Variants in TGFBR3 observed in about 807,000 individuals in gnomAD.
TGFBR3 encodes the protein transforming growth factor beta receptor 3, also known as transforming growth factor beta receptor type 3.
A neutral mutation model predicts 87.9 loss-of-function variants in TGFBR3; 46 were observed. That is an observed-to-expected ratio of 0.52 (90% CI 0.41 to 0.67). The LOEUF is 0.67. Ranked by LOEUF, TGFBR3 falls within the 30% of genes least tolerant of loss-of-function variation. The probability of loss-of-function intolerance (pLI) is 0.00; values close to 1 mark genes in which losing one functional copy is unlikely to be tolerated. For missense variants in TGFBR3, 866 were observed against 1,041.9 expected, an observed-to-expected ratio of 0.83 and a Z score of 2.32; for synonymous variants, 381 against 391.6, an observed-to-expected ratio of 0.97 and a Z score of 0.32.
At chr1:91,828,817 G>T (rs1405136936) in intron 2 of TGFBR3, among the ~76,000 whole-genome samples, 1 of 152,070 alleles carries the variant, frequency 6.6e-6, no homozygotes, top group Non-Finnish European at 1.5e-5. Flanking sequence ...CCCACTGCAG[G>T]TCCCTCTCTC....
intron 14 of TGFBR3, among the ~76,000 whole-genome samples, chr1:91,708,032 C>T (rs759223024): frequency 6.6e-6 from 1 of 152,216 alleles, no homozygotes; most frequent in African/African-American, 2.4e-5. Flanking sequence ...GGTACTGATG[C>T]CACACCCCTT....
chr1:91,722,206 A>G (rs1672394587), intron 7 of TGFBR3, 62 bp from the exon 8 acceptor site: 2 of 1,292,010 alleles, frequency 1.5e-6, no homozygotes, highest in Non-Finnish European at 2.2e-6. Flanking sequence ...TAGATAATAA[A>G]AATTAAATAT....
At chr1:91,725,641 T>G (rs759540101) in intron 7 of TGFBR3, among the ~76,000 whole-genome samples, 3 of 152,130 alleles carry the variant, frequency 2.0e-5, no homozygotes, top group Non-Finnish European at 4.4e-5. Flanking sequence ...ACAAATGAAC[T>G]CAGCTAATGA....
chr1:91,797,548 C>A (rs148930851), intron 2 of TGFBR3, 77 bp from the exon 3 acceptor site: 2 of 1,524,320 alleles, frequency 1.3e-6, no homozygotes, highest in Non-Finnish European at 1.8e-6. Flanking sequence ...GGTGATCAAA[C>A]CACTGCCAAC....
intron 3 of TGFBR3, among the ~76,000 whole-genome samples, chr1:91,768,812 C>T (rs1674274968): frequency 6.7e-6 from 1 of 150,352 alleles, no homozygotes; most frequent in African/African-American, 2.4e-5. Context: ...TTATAAATTA[C>T]CCAGTCTCGG....
At chr1:91,688,034 T>C (rs1399745710) in intron 16 of TGFBR3, among the ~76,000 whole-genome samples, 1 of 152,294 alleles carries the variant, frequency 6.6e-6, no homozygotes, top group South Asian at 2.1e-4. Context: ...TTTAGAGAAG[T>C]CTTCAATCAC....
chr1:91,854,137 A>C (rs1384436529), intron 2 of TGFBR3, among the ~76,000 whole-genome samples: 1 of 152,170 alleles, frequency 6.6e-6, no homozygotes, highest in Non-Finnish European at 1.5e-5. Flanking sequence ...AGACAGGAGG[A>C]ATAAGTTCAA....
chr1:91,695,612 G>T (rs1160280129), intron 16 of TGFBR3, 60 bp downstream of exon 16: 3 of 1,263,208 alleles, frequency 2.4e-6, no homozygotes, highest in Non-Finnish European at 3.5e-6. Flanking sequence ...AACACTGAGT[G>T]TCTATTGTGT....
In TGFBR3 at chr1:91,717,888, T is replaced by A. The variant is rs544134119; in HGVS notation, c.1567-1180A>T. 2.0e-3 allele frequency among the ~76,000 whole-genome samples: 298 copies of A among 149,066 alleles called. 1 individual carries two copies. Among genetic ancestry groups the A allele is most frequent in the African/African-American group, 7.1e-3 (285 of 40,270 alleles). ...GAAGCAACTGACTTTTTTTTTTTTT[T>A]ATTTTTTCTTAACAGACATATTACT... On this transcript the variant is annotated intron_variant, in intron 10 of 16. Transcript: ENST00000212355.
intron 3 of TGFBR3, among the ~76,000 whole-genome samples, chr1:91,764,372 A>G (rs1674093305): frequency 6.6e-6 from 1 of 152,010 alleles, no homozygotes. Flanking sequence ...GGATGCAGAA[A>G]TAAGCTCTGC....
At chr1:91,840,280 C>G (rs2101112778) in intron 2 of TGFBR3, among the ~76,000 whole-genome samples, 1 of 151,506 alleles carries the variant, frequency 6.6e-6, no homozygotes, top group South Asian at 2.1e-4. Context: ...CGAGACCATG[C>G]CACTGCATTC....
chr1:91,874,773 G>A (rs751342967), intron 1 of TGFBR3, among the ~76,000 whole-genome samples: 4 of 152,098 alleles, frequency 2.6e-5, no homozygotes, highest in East Asian at 1.9e-4. Flanking sequence ...GATTACAGGC[G>A]TGAGCCACTG....
At chr1:91,685,571 C>G (rs1343079503) in intron 16 of TGFBR3, among the ~76,000 whole-genome samples, 1 of 152,110 alleles carries the variant, frequency 6.6e-6, no homozygotes, top group African/African-American at 2.4e-5. Flanking sequence ...ATCGGCCCAC[C>G]TTGGCCTTCC....
intron 15 of TGFBR3, 122 bp from the exon 16 acceptor site, chr1:91,695,901 A>C: frequency 2.4e-6 from 2 of 838,788 alleles, no homozygotes; most frequent in South Asian, 2.9e-5. Flanking sequence ...CGGAGAATGC[A>C]ATGAAGATTC....
intron 4 of TGFBR3, among the ~76,000 whole-genome samples, chr1:91,749,661 G>A (rs756413747): frequency 3.0e-4 from 45 of 152,278 alleles, no homozygotes; most frequent in Admixed American, 6.5e-4. Context: ...TGCTTTCTGA[G>A]ATGGAGAGTG....
chr1:91,813,728 C>T (rs925619000), intron 2 of TGFBR3, among the ~76,000 whole-genome samples: 17 of 152,188 alleles, frequency 1.1e-4, no homozygotes, highest in African/African-American at 3.9e-4. Context: ...AAACACCTAA[C>T]GGGGCCACCC....
intron 1 of TGFBR3, among the ~76,000 whole-genome samples, chr1:91,868,545 C>T (rs1422775162): frequency 1.3e-5 from 2 of 152,116 alleles, no homozygotes; most frequent in Non-Finnish European, 2.9e-5. Context: ...GGGCCCTTCT[C>T]GATTCTATTT....
intron 16 of TGFBR3, among the ~76,000 whole-genome samples, chr1:91,689,840 T>TAAAAAAAAAAA (rs545760131): frequency 9.1e-5 from 9 of 99,278 alleles, no homozygotes; most frequent in South Asian, 3.8e-4. Flanking sequence ...AGAAACTGAT[T>TAAAAAAAAAAA]AAAAAAAAAA....
At chr1:91,717,198 G>A (rs764597239) in intron 10 of TGFBR3, among the ~76,000 whole-genome samples, 2 of 152,106 alleles carry the variant, frequency 1.3e-5, no homozygotes, top group African/African-American at 2.4e-5. Context: ...AGTCAGCAGC[G>A]AAGGACCTAA....
Sources: gnomAD v4.1 joint callset for allele counts (sites outside exome capture counted in the v4.1 genomes callset) on GRCh38, gnomAD v4.1.1 for gene constraint, MANE v1.5 for transcripts, NCBI Gene and HGNC (gene_info 2026-07-23, HGNC 2026-07-21) for gene names.